PCDH15: variants seen among roughly 807,000 people sequenced by gnomAD.
PCDH15 encodes protocadherin-15.
In PCDH15, 129 loss-of-function variants were observed where a neutral mutation model predicts 178.5. The observed-to-expected ratio is 0.72, with a 90% CI of 0.63 to 0.84. The LOEUF is 0.84. Ranked by LOEUF, PCDH15 falls within the 40% of genes least tolerant of loss-of-function variation. The pLI is 0.00. For synonymous variants in PCDH15, 800 were observed against 732.0 expected (o/e 1.09, Z -1.50); for missense variants, 2,230 against 2,099.9 (o/e 1.06, Z -1.21).
At chr10:55,129,212 A>G (rs1380138322) in intron 2 of PCDH15, among the ~76,000 whole-genome samples, 1 of 152,148 alleles carries the variant, frequency 6.6e-6, no homozygotes, top group African/African-American at 2.4e-5. Flanking sequence ...AGTGTCTAGA[A>G]TAAATGTATT....
chr10:54,404,201 C>G (rs1302974319), intron 3 of PCDH15, among the ~76,000 whole-genome samples: 1 of 151,720 alleles, frequency 6.6e-6, no homozygotes, highest in Non-Finnish European at 1.5e-5. Flanking sequence ...AAAAAAGGAC[C>G]TGAATAGCCA....
intron 1 of PCDH15, among the ~76,000 whole-genome samples, chr10:55,228,062 G>A (rs1282268971): frequency 1.3e-5 from 2 of 152,030 alleles, no homozygotes; most frequent in Non-Finnish European, 2.9e-5. Flanking sequence ...TGCAGGGACT[G>A]ATGAAAATGC....
At chr10:54,978,360 C>A (rs575558817) in intron 2 of PCDH15, among the ~76,000 whole-genome samples, 2 of 152,112 alleles carry the variant, frequency 1.3e-5, no homozygotes, top group Non-Finnish European at 2.9e-5. Context: ...TGGTAAAAAT[C>A]GTGCATGTTA....
intron 25 of PCDH15, among the ~76,000 whole-genome samples, chr10:53,908,241 A>G (rs2082817143): frequency 6.6e-6 from 1 of 152,130 alleles, no homozygotes; most frequent in South Asian, 2.1e-4. Context: ...ACAGGCTCTT[A>G]CCCCAAACGA....
chr10:55,112,841 G>T (rs1837541316), intron 2 of PCDH15, among the ~76,000 whole-genome samples: 1 of 152,110 alleles, frequency 6.6e-6, no homozygotes, highest in Non-Finnish European at 1.5e-5. Context: ...AGCCAGCCTT[G>T]GGAAGAGAAG....
At chr10:55,300,953 T>C (rs982559371) in intron 1 of PCDH15, among the ~76,000 whole-genome samples, 8 of 152,194 alleles carry the variant, frequency 5.3e-5, no homozygotes. Context: ...CATGGTGCCC[T>C]TTTATAGTCA....
chr10:54,164,494 T>C lies in PCDH15; in HGVS notation c.1591-11201A>G, dbSNP rs371243383. Among the ~76,000 whole-genome samples the C allele has an allele frequency of 2.8e-4, 42 of 152,300 alleles. No homozygotes were observed. The East Asian group carries it at 6.8e-3, about 25-fold the overall frequency. Reference sequence around the variant, plus strand: ...TTGAATTTACGTGTGTAAACTAATATACCCAGTTGAATGTATCAACACTTA... The same window carrying C: ...TTGAATTTACGTGTGTAAACTAATACACCCAGTTGAATGTATCAACACTTA... On this transcript the variant is annotated intron_variant, in intron 13 of 37. Transcript: ENST00000644397.
chr10:54,057,030 A>G (rs12250681), intron 18 of PCDH15, among the ~76,000 whole-genome samples: 31,757 of 152,140 alleles, frequency 0.21, 3,505 homozygotes, highest in Non-Finnish European at 0.23. Context: ...GCTGATGCTA[A>G]AGATGGGCTT....
At chr10:54,018,313 G>A (rs1190710211) in intron 20 of PCDH15, among the ~76,000 whole-genome samples, 1 of 152,072 alleles carries the variant, frequency 6.6e-6, no homozygotes, top group Non-Finnish European at 1.5e-5. Flanking sequence ...GAAAAAGGGA[G>A]TAATCCTCAG....
At chr10:54,797,155 T>G (rs1952116511) in intron 1 of PCDH15, among the ~76,000 whole-genome samples, 1 of 152,012 alleles carries the variant, frequency 6.6e-6, no homozygotes, top group South Asian at 2.1e-4. Flanking sequence ...GAATGACTTT[T>G]CAAAGTAATA....
Position 54,378,804 on chromosome 10 carries a change from G to T in PCDH15, c.296C>A (p.Thr99Asn). 3 of 1,613,698 alleles carry T rather than the reference G, an allele frequency of 1.9e-6. No homozygotes were observed. Among genetic ancestry groups the T allele is most frequent in the Non-Finnish European group, 2.5e-6 (3 of 1,179,834 alleles). ...AACATCTCTATCCAGAACTCTTCCG[G>T]TGCTGTTCAGGAAAAGCATTTGCTT... ...PVKQMLFLNS[T>N]GRVLDRDPPM... The change falls in exon 4 of 38, where the codon ACC becomes AAC. Residue 99 changes from threonine (T) to asparagine (N), a missense_variant. Thr to Asn is a moderately conservative substitution (Grantham distance 65, BLOSUM62 0). Coordinates refer to ENST00000644397, the MANE Select transcript of PCDH15 (RefSeq NM_001384140.1).
chr10:53,865,998 A>G (rs921791512), intron 27 of PCDH15, among the ~76,000 whole-genome samples: 7 of 152,172 alleles, frequency 4.6e-5, no homozygotes, highest in African/African-American at 1.2e-4. Flanking sequence ...AATATTTTCA[A>G]TACAAGCTAA....
chr10:55,496,531 A>G (rs1840538116), intron 2 of PCDH15, among the ~76,000 whole-genome samples: 1 of 151,822 alleles, frequency 6.6e-6, no homozygotes, highest in Non-Finnish European at 1.5e-5. Flanking sequence ...TACACTGTAG[A>G]AAATAGGAAC....
chr10:54,941,464 GT>G (rs1411529177), intron 2 of PCDH15, among the ~76,000 whole-genome samples: 1 of 151,904 alleles, frequency 6.6e-6, no homozygotes, highest in African/African-American at 2.4e-5. Context: ...CCTTATTGAT[GT>G]TTTCTATTTT....
At chr10:54,773,193 T>A (rs148049205) in intron 1 of PCDH15, among the ~76,000 whole-genome samples, 2 of 152,116 alleles carry the variant, frequency 1.3e-5, no homozygotes, top group Non-Finnish European at 2.9e-5. Context: ...CAAACCACCA[T>A]GGCACACATT....
intron 1 of PCDH15, among the ~76,000 whole-genome samples, chr10:55,189,885 A>C (rs184057742): frequency 1.3e-5 from 2 of 151,812 alleles, no homozygotes; most frequent in African/African-American, 2.4e-5. Context: ...GCATTTCCCT[A>C]TCCCATGACC....
At chr10:54,600,312 G>A in intron 2 of PCDH15, 1 of 540,276 alleles carries the variant, frequency 1.9e-6, no homozygotes, top group Admixed American at 2.3e-5. Flanking sequence ...AAGATTCCAA[G>A]GAATCCAGGA....
chr10:55,611,918 A>C (rs1433333920), intron 2 of PCDH15, among the ~76,000 whole-genome samples: 4 of 152,092 alleles, frequency 2.6e-5, no homozygotes, highest in Admixed American at 2.6e-4. Flanking sequence ...TAAGTCAGGT[A>C]CAGAAAGACA....
rs1841109546 is a variant in PCDH15 at position 53,805,755 on chromosome 10, T to A, written c.*824A>T. ...TCCATTATGAAATTGTCGTTCTAGATGCATTACTGCTTACTCGAACCTTTC... is the reference window on the plus strand; with the variant it reads ...TCCATTATGAAATTGTCGTTCTAGAAGCATTACTGCTTACTCGAACCTTTC... On this transcript the variant is annotated 3_prime_UTR_variant, in exon 38 of 38. Transcript: ENST00000644397. 1 of 152,130 alleles carries A rather than the reference T, an allele frequency of 6.6e-6. No individual in the cohort carries two copies. The highest frequency in any genetic ancestry group is 2.4e-5 in the African/African-American group (1 of 41,434). The allele number at this position is 152,130 out of a possible 1,614,324, so 9.4% of individuals were successfully genotyped here.
Sources: allele counts gnomAD v4.1 joint callset (sites outside exome capture counted in the v4.1 genomes callset), GRCh38; gene constraint gnomAD v4.1.1; transcripts MANE v1.5; gene names NCBI Gene and HGNC (gene_info 2026-07-23, HGNC 2026-07-21).